TLE4: variants seen among roughly 807,000 people sequenced by gnomAD.
The protein encoded by TLE4 is TLE family member 4, transcriptional corepressor, also known as transducin-like enhancer protein 4.
Under a neutral mutation model 92.8 loss-of-function variants are expected in TLE4, and 8 were observed. The ratio of observed to expected loss-of-function variants is 0.09; its 90% CI spans 0.05 to 0.16. The LOEUF (loss-of-function observed/expected upper bound fraction) is 0.16. Ranked by LOEUF, TLE4 falls within the 10% of genes least tolerant of loss-of-function variation. The pLI is 1.00. For synonymous variants in TLE4, 371 were observed against 374.1 expected (o/e 0.99, Z 0.10); for missense variants, 675 against 997.6 (o/e 0.68, Z 4.36).
At chr9:79,679,105 A>C (rs2063881301) in intron 8 of TLE4, among the ~76,000 whole-genome samples, 1 of 152,054 alleles carries the variant, frequency 6.6e-6, no homozygotes, top group Admixed American at 6.6e-5. Flanking sequence ...TCTTTATAGC[A>C]GCATGATGTA....
At chr9:79,605,402 G>A (rs573170054) in intron 4 of TLE4, among the ~76,000 whole-genome samples, 4 of 152,002 alleles carry the variant, frequency 2.6e-5, no homozygotes, top group East Asian at 3.9e-4. Flanking sequence ...CACAATGATC[G>A]TCATTCTCAA....
At chr9:79,695,913 C>T (rs1588359603) in intron 8 of TLE4, among the ~76,000 whole-genome samples, 1 of 152,298 alleles carries the variant, frequency 6.6e-6, no homozygotes, top group African/African-American at 2.4e-5. Context: ...ATTTTCAGAT[C>T]AGATTGGAGA....
At chr9:79,573,177 G>A (rs1039954084) in intron 1 of TLE4, 6 of 913,088 alleles carry the variant, frequency 6.6e-6, no homozygotes, top group Non-Finnish European at 8.1e-6. Context: ...CGGGGAGGGC[G>A]CCCTCGGCAG....
chr9:79,686,757 G>T (rs2065944237), intron 8 of TLE4, among the ~76,000 whole-genome samples: 1 of 152,206 alleles, frequency 6.6e-6, no homozygotes, highest in African/African-American at 2.4e-5. Flanking sequence ...GCAGACTCCA[G>T]AACCGCAAGA....
At chr9:79,686,240 A>G (rs1362273630) in intron 8 of TLE4, among the ~76,000 whole-genome samples, 2 of 152,206 alleles carry the variant, frequency 1.3e-5, no homozygotes, top group Non-Finnish European at 2.9e-5. Context: ...ATGGATACCT[A>G]AGGATGACTG....
At chr9:79,661,978 C>G (rs1185470400) in intron 8 of TLE4, among the ~76,000 whole-genome samples, 1 of 152,154 alleles carries the variant, frequency 6.6e-6, no homozygotes, top group Admixed American at 6.6e-5. Flanking sequence ...AACTGGAGAA[C>G]AACACACACA....
chr9:79,664,433 G>A (rs72734311), intron 8 of TLE4, among the ~76,000 whole-genome samples: 7,414 of 152,180 alleles, frequency 0.049, 254 homozygotes, highest in Non-Finnish European at 0.075. Flanking sequence ...CCCAGCCCCC[G>A]CCTCAGGGAT....
chr9:79,639,171 A>C (rs2056630004), intron 6 of TLE4, among the ~76,000 whole-genome samples: 1 of 152,118 alleles, frequency 6.6e-6, no homozygotes, highest in Non-Finnish European at 1.5e-5. Flanking sequence ...GAGGGATGCC[A>C]CATGAATCAG....
intron 4 of TLE4, among the ~76,000 whole-genome samples, chr9:79,583,019 A>G (rs1049379932): frequency 1.3e-5 from 2 of 152,200 alleles, no homozygotes; most frequent in African/African-American, 4.8e-5. Context: ...GAAGGGCCTC[A>G]GAAGTTTTAG....
intron 5 of TLE4, among the ~76,000 whole-genome samples, chr9:79,625,014 CTTTTTTT>C (rs34968887): frequency 3.6e-4 from 29 of 79,938 alleles, no homozygotes; most frequent in Admixed American, 2.2e-3. Context: ...TATTTCTTTT[CTTTTTTT>C]TTTTTTTTTT....
intron 4 of TLE4, among the ~76,000 whole-genome samples, chr9:79,583,117 C>G (rs553332181): frequency 2.0e-5 from 3 of 152,254 alleles, no homozygotes; most frequent in African/African-American, 7.2e-5. Context: ...AGGGATTTAG[C>G]TGGCATTCAT....
chr9:79,627,510 C>T, intron 6 of TLE4, 62 bp downstream of exon 6: 1 of 1,531,540 alleles, frequency 6.5e-7, no homozygotes, highest in Non-Finnish European at 9.0e-7. Flanking sequence ...CTCGCTCTCT[C>T]TTTTTACATT....
intron 8 of TLE4, among the ~76,000 whole-genome samples, chr9:79,699,416 A>G (rs2069146848): frequency 6.6e-6 from 1 of 152,190 alleles, no homozygotes; most frequent in South Asian, 2.1e-4. Flanking sequence ...GTTAAGAGTA[A>G]CTATAATTTA....
intron 8 of TLE4, among the ~76,000 whole-genome samples, chr9:79,665,469 G>A (rs2061244256): frequency 6.6e-6 from 1 of 152,170 alleles, no homozygotes; most frequent in Non-Finnish European, 1.5e-5. Context: ...CAGAGCTTCT[G>A]GTGAGTCCTG....
intron 5 of TLE4, among the ~76,000 whole-genome samples, chr9:79,624,085 A>T (rs2051815717): frequency 6.6e-6 from 1 of 151,656 alleles, no homozygotes; most frequent in Non-Finnish European, 1.5e-5. Flanking sequence ...GACAAGGCAG[A>T]CATAATGGGA....
chr9:79,712,991 T>C (rs1026580324), intron 14 of TLE4, among the ~76,000 whole-genome samples: 1 of 152,248 alleles, frequency 6.6e-6, no homozygotes, highest in Non-Finnish European at 1.5e-5. Context: ...GAATAATGCC[T>C]GATACATAGT....
chr9:79,719,017 C>T (rs1357072684), intron 15 of TLE4, 46 bp downstream of exon 15: 2 of 1,570,498 alleles, frequency 1.3e-6, no homozygotes, highest in African/African-American at 2.7e-5. Flanking sequence ...ATTCAGAAAA[C>T]AGGAGGGGCT....
chr9:79,708,565 T>G (rs925750230), intron 12 of TLE4, 28 bp from the exon 13 acceptor site: 2 of 1,593,790 alleles, frequency 1.3e-6, no homozygotes, highest in African/African-American at 1.3e-5. Flanking sequence ...GTGTTCTTCA[T>G]TTTTCTTCCA....
intron 4 of TLE4, among the ~76,000 whole-genome samples, chr9:79,603,676 C>T (rs1489081493): frequency 6.6e-6 from 1 of 152,176 alleles, no homozygotes; most frequent in Non-Finnish European, 1.5e-5. Context: ...TGGTCTGGAA[C>T]TGAACCCACA....
Sources: gnomAD v4.1 joint callset for allele counts (sites outside exome capture counted in the v4.1 genomes callset) on GRCh38, gnomAD v4.1.1 for gene constraint, MANE v1.5 for transcripts, NCBI Gene and HGNC (gene_info 2026-07-23, HGNC 2026-07-21) for gene names.